Variants in DACH2 observed in about 807,000 individuals in gnomAD.
The protein encoded by DACH2 is dachshund homolog 2.
Under a neutral mutation model 35.8 loss-of-function variants are expected in DACH2, and 17 were observed. That is an observed-to-expected ratio of 0.48 (90% CI 0.33 to 0.71). The LOEUF is 0.71. Ranked by LOEUF, DACH2 falls within the 30% of genes least tolerant of loss-of-function variation. DACH2 has a pLI of 0.02. For synonymous variants in DACH2, 195 were observed against 177.3 expected, an observed-to-expected ratio of 1.10 and a Z score of -0.79; for missense variants, 469 against 472.7, an observed-to-expected ratio of 0.99 and a Z score of 0.07.
At chrX:86,780,125 T>C (rs1288298686) in intron 7 of DACH2, among the ~76,000 whole-genome samples, 1 of 106,157 alleles carries the variant, frequency 9.4e-6, no homozygotes, top group Non-Finnish European at 1.9e-5. Context: ...TGAACCCTAC[T>C]TACGCCACAA....
chrX:86,555,362 T>C (rs889983441), intron 3 of DACH2, among the ~76,000 whole-genome samples: 2 of 111,845 alleles, frequency 1.8e-5, no homozygotes, highest in Non-Finnish European at 3.8e-5. Flanking sequence ...GGAGTTAATG[T>C]TTTCAATATT....
At chrX:86,251,702 G>A (rs1602324201) in intron 1 of DACH2, among the ~76,000 whole-genome samples, 3 of 111,620 alleles carry the variant, frequency 2.7e-5, no homozygotes, top group South Asian at 3.7e-4. Context: ...GTGTTCCATC[G>A]TATATATGTA....
At chrX:86,650,952 C>T in intron 3 of DACH2, 84 bp from the exon 4 acceptor site, 1 of 879,954 alleles carries the variant, frequency 1.1e-6, no homozygotes, top group African/African-American at 2.1e-5. Context: ...TGTGAAAAGC[C>T]TGCACTTGTA....
At chrX:86,426,049 C>T (rs772889087) in intron 2 of DACH2, among the ~76,000 whole-genome samples, 7 of 111,381 alleles carry the variant, frequency 6.3e-5, no homozygotes, top group Middle Eastern at 4.7e-3. Context: ...TATATTGGAA[C>T]AATTATGTAA....
At chrX:86,812,084 G>A (rs1269029289) in intron 7 of DACH2, among the ~76,000 whole-genome samples, 2 of 111,388 alleles carry the variant, frequency 1.8e-5, no homozygotes, top group Admixed American at 9.6e-5. Context: ...ATGTTTAAAC[G>A]CAAGCTAGTA....
At chrX:86,768,310 A>G (rs6623774) in intron 7 of DACH2, among the ~76,000 whole-genome samples, 17,682 of 111,077 alleles carry the variant, frequency 0.16, 1,217 homozygotes, top group South Asian at 0.42. Flanking sequence ...AAAAGAATTT[A>G]CTGTTTTGGA....
intron 7 of DACH2, among the ~76,000 whole-genome samples, chrX:86,788,749 C>A (rs1344017609): frequency 9.0e-6 from 1 of 111,550 alleles, no homozygotes; most frequent in Non-Finnish European, 1.9e-5. Flanking sequence ...GGAAACGAAA[C>A]CTTATTTATA....
intron 1 of DACH2, among the ~76,000 whole-genome samples, chrX:86,198,264 A>G (rs1276734874): frequency 8.9e-6 from 1 of 112,263 alleles, no homozygotes; most frequent in African/African-American, 3.2e-5. Flanking sequence ...CAGCTTAGGC[A>G]GTGTTAAGAA....
At chrX:86,211,189 T>G (rs2032437067) in intron 1 of DACH2, among the ~76,000 whole-genome samples, 1 of 111,801 alleles carries the variant, frequency 8.9e-6, no homozygotes, top group Admixed American at 9.5e-5. Context: ...TTATCTGTAC[T>G]TAGAATACAA....
chrX:86,209,664 C>T (rs1310249753), intron 1 of DACH2, among the ~76,000 whole-genome samples: 1 of 110,849 alleles, frequency 9.0e-6, no homozygotes, highest in East Asian at 2.9e-4. Context: ...AACTTAGAAT[C>T]TGTGTTTTTC....
intron 1 of DACH2, among the ~76,000 whole-genome samples, chrX:86,301,036 G>T (rs192253934): frequency 2.7e-5 from 3 of 112,058 alleles, no homozygotes; most frequent in African/African-American, 6.5e-5. Context: ...AAGGGAAAAA[G>T]AATACAATGT....
At chrX:86,572,947 AAAGTACC>A (rs1267604217) in intron 3 of DACH2, among the ~76,000 whole-genome samples, 4 of 111,495 alleles carry the variant, frequency 3.6e-5, no homozygotes, top group African/African-American at 9.8e-5. Context: ...TTGTCATTGA[AAAGTACC>A]AGGCAAGTGT....
chrX:86,487,935 A>G (rs916554443), intron 2 of DACH2, among the ~76,000 whole-genome samples: 1 of 111,634 alleles, frequency 9.0e-6, no homozygotes, highest in Admixed American at 9.6e-5. Flanking sequence ...GCTCTGTGAC[A>G]TTAGCTGTGT....
At chrX:86,763,982 G>T (rs1258325404) in intron 7 of DACH2, among the ~76,000 whole-genome samples, 1 of 111,718 alleles carries the variant, frequency 9.0e-6, no homozygotes, top group Non-Finnish European at 1.9e-5. Flanking sequence ...TGTGACCATG[G>T]ATATTCAGAA....
intron 2 of DACH2, among the ~76,000 whole-genome samples, chrX:86,414,406 C>T (rs1425571706): frequency 9.0e-6 from 1 of 111,540 alleles, no homozygotes; most frequent in African/African-American, 3.3e-5. Flanking sequence ...TTTACCTTGA[C>T]ATTTGAGTGT....
intron 3 of DACH2, among the ~76,000 whole-genome samples, chrX:86,628,401 TA>T (rs1431561026): frequency 8.9e-6 from 1 of 112,017 alleles, no homozygotes; most frequent in Non-Finnish European, 1.9e-5. Flanking sequence ...TAGCTATAGA[TA>T]AATGCAGTTT....
Position 86,756,633 on chromosome X carries a change from G to A in DACH2, c.1240+16751G>A, listed in dbSNP as rs773728886. Among the ~76,000 whole-genome samples, 9 of 110,544 alleles carry A rather than the reference G, an allele frequency of 8.1e-5. No homozygotes were observed. In the South Asian group the frequency reaches 3.0e-3, roughly 37 times the overall value. On this transcript the variant is annotated intron_variant, in intron 7 of 11. Transcript: ENST00000373125. Reference sequence around the variant, plus strand: ...TTATGTATTAGATCTAAGATTTTTTGGTGAAATCTTTAGGTTTTTTGGATA... The same window carrying A: ...TTATGTATTAGATCTAAGATTTTTTAGTGAAATCTTTAGGTTTTTTGGATA...
intron 1 of DACH2, among the ~76,000 whole-genome samples, chrX:86,374,440 A>G (rs1342151483): frequency 3.6e-5 from 4 of 110,996 alleles, no homozygotes; most frequent in East Asian, 5.7e-4. Context: ...AGGTTAATCA[A>G]TGTCCTAATG....
At chrX:86,218,323 G>A (rs2032624091) in intron 1 of DACH2, among the ~76,000 whole-genome samples, 1 of 111,770 alleles carries the variant, frequency 8.9e-6, no homozygotes. Flanking sequence ...TGTTATACAA[G>A]TGTTTTGTAT....
Sources: allele counts gnomAD v4.1 joint callset (sites outside exome capture counted in the v4.1 genomes callset), GRCh38; gene constraint gnomAD v4.1.1; transcripts MANE v1.5; gene names NCBI Gene and HGNC (gene_info 2026-07-23, HGNC 2026-07-21).